PCDH15: variants seen among roughly 807,000 people sequenced by gnomAD.
PCDH15 encodes the protein protocadherin-15.
A neutral mutation model predicts 178.5 loss-of-function variants in PCDH15; 129 were observed. The ratio of observed to expected loss-of-function variants is 0.72; its 90% CI spans 0.63 to 0.84. The LOEUF (loss-of-function observed/expected upper bound fraction) is 0.84, where lower values mean the gene tolerates loss of function less well. Among genes scored for constraint, PCDH15 ranks in the 40% least tolerant of loss-of-function variants. The probability of loss-of-function intolerance (pLI) is 0.00; values close to 1 mark genes in which losing one functional copy is unlikely to be tolerated. For missense variants in PCDH15, 2,230 were observed against 2,099.9 expected (o/e 1.06, Z -1.21); for synonymous variants, 800 against 732.0 (o/e 1.09, Z -1.50).
intron 2 of PCDH15, among the ~76,000 whole-genome samples, chr10:55,063,012 A>G (rs1841475691): frequency 6.6e-6 from 1 of 152,126 alleles, no homozygotes; most frequent in South Asian, 2.1e-4. Context: ...ATCATTTTGA[A>G]TCTCATCATT....
chr10:54,192,111 A>G (rs544656916), intron 11 of PCDH15, among the ~76,000 whole-genome samples: 3,537 of 123,706 alleles, frequency 0.029, 59 homozygotes, highest in Middle Eastern at 0.089. Context: ...AAGAAAGAAA[A>G]AAAAAAAAGA....
chr10:55,181,017 A>G (rs1322320473), intron 1 of PCDH15, among the ~76,000 whole-genome samples: 1 of 152,020 alleles, frequency 6.6e-6, no homozygotes, highest in Non-Finnish European at 1.5e-5. Flanking sequence ...AGACACCTAG[A>G]TGATTAGGAA....
At chr10:54,728,814 T>A (rs1441184322) in intron 1 of PCDH15, among the ~76,000 whole-genome samples, 1 of 151,402 alleles carries the variant, frequency 6.6e-6, no homozygotes, top group Admixed American at 6.6e-5. Flanking sequence ...AAGAGCACAA[T>A]TGCATTCATA....
intron 1 of PCDH15, among the ~76,000 whole-genome samples, chr10:55,166,928 A>G (rs1420980446): frequency 6.6e-6 from 1 of 152,130 alleles, no homozygotes; most frequent in East Asian, 1.9e-4. Context: ...GAAATGAAAA[A>G]CCACTTCCAC....
intron 2 of PCDH15, among the ~76,000 whole-genome samples, chr10:54,622,605 TATA>T (rs1325074063): frequency 2.3e-4 from 22 of 95,582 alleles, no homozygotes; most frequent in African/African-American, 8.3e-4. Flanking sequence ...ATATAATATA[TATA>T]ATTATATATA....
upstream of PCDH15, among the ~76,000 whole-genome samples, chr10:54,806,264 T>C (rs190067057): frequency 9.2e-5 from 14 of 152,264 alleles, no homozygotes; most frequent in East Asian, 2.7e-3. Flanking sequence ...TGTATTAGTA[T>C]TGTATTGTTG....
chr10:53,821,610 TACTTTTCAAA>T, intron 32 of PCDH15: 21 of 1,225,418 alleles, frequency 1.7e-5, no homozygotes, highest in Non-Finnish European at 2.2e-5. Flanking sequence ...TAAAATTACT[TACTTTTCAAA>T]TAAATGTAGA....
At chr10:55,599,569 T>C (rs1843023276) in intron 2 of PCDH15, 1 of 161,334 alleles carries the variant, frequency 6.2e-6, no homozygotes, top group Non-Finnish European at 1.3e-5. Flanking sequence ...AGCAATAATG[T>C]TAGTGTAAGT....
At chr10:53,808,328 GTGTATATATATA>G in intron 37 of PCDH15, 6 of 323,132 alleles carry the variant, frequency 1.9e-5, no homozygotes, top group South Asian at 1.5e-4. Flanking sequence ...TAGTGTGTGT[GTGTATATATATA>G]TATATATATA....
intron 2 of PCDH15, among the ~76,000 whole-genome samples, chr10:55,492,558 A>G (rs74325874): frequency 0.022 from 3,278 of 151,904 alleles, 125 homozygotes; most frequent in African/African-American, 0.075. Context: ...CAAATAGTCA[A>G]GCAGGTAACA....
intron 20 of PCDH15, among the ~76,000 whole-genome samples, chr10:54,016,375 G>A (rs1246442952): frequency 6.6e-6 from 1 of 152,048 alleles, no homozygotes; most frequent in South Asian, 2.1e-4. Context: ...CCATTTTTAG[G>A]TATATACACA....
intron 27 of PCDH15, among the ~76,000 whole-genome samples, chr10:53,864,092 G>A (rs1174660744): frequency 1.3e-5 from 2 of 152,138 alleles, no homozygotes; most frequent in African/African-American, 2.4e-5. Flanking sequence ...AGCTCATTTG[G>A]AGGGTTTGTT....
intron 3 of PCDH15, among the ~76,000 whole-genome samples, chr10:54,503,796 T>C (rs1247675483): frequency 6.6e-6 from 1 of 152,136 alleles, no homozygotes; most frequent in Non-Finnish European, 1.5e-5. Context: ...GATTGTTCTT[T>C]CAACACTTAA....
intron 18 of PCDH15, among the ~76,000 whole-genome samples, chr10:54,039,837 T>C (rs1038863856): frequency 2.6e-5 from 4 of 151,964 alleles, no homozygotes; most frequent in Non-Finnish European, 5.9e-5. Flanking sequence ...CTTTACTCCA[T>C]CTATTGCCAT....
intron 13 of PCDH15, among the ~76,000 whole-genome samples, chr10:54,168,790 T>A (rs1380448607): frequency 6.6e-6 from 1 of 152,124 alleles, no homozygotes; most frequent in Admixed American, 6.5e-5. Flanking sequence ...TACATTTTAT[T>A]ACCCAATCTG....
chr10:54,853,496 C>G (rs181018580), intron 3 of PCDH15, among the ~76,000 whole-genome samples: 1 of 145,972 alleles, frequency 6.9e-6, no homozygotes, highest in African/African-American at 2.5e-5. Flanking sequence ...AATAACTGCT[C>G]CCATTGTTGA....
chr10:55,477,661 C>CT, intron 2 of PCDH15, among the ~76,000 whole-genome samples: 1 of 151,874 alleles, frequency 6.6e-6, no homozygotes, highest in African/African-American at 2.4e-5. Context: ...CTTAATGTGG[C>CT]TTTTTTGATC....
intron 3 of PCDH15, among the ~76,000 whole-genome samples, chr10:54,513,351 C>T (rs1373435421): frequency 6.6e-6 from 1 of 151,860 alleles, no homozygotes; most frequent in South Asian, 2.1e-4. Context: ...AACTCTGCCT[C>T]CTGGGTTTAA....
At chr10:55,592,642 C>T (rs1364238033) in intron 2 of PCDH15, among the ~76,000 whole-genome samples, 1 of 152,064 alleles carries the variant, frequency 6.6e-6, no homozygotes, top group Non-Finnish European at 1.5e-5. Context: ...CTTTTGGAAA[C>T]CTGAATGCAC....
Sources: allele counts gnomAD v4.1 joint callset (sites outside exome capture counted in the v4.1 genomes callset), GRCh38; gene constraint gnomAD v4.1.1; transcripts MANE v1.5; gene names NCBI Gene and HGNC (gene_info 2026-07-23, HGNC 2026-07-21).